ZNF18: variants seen among roughly 807,000 people sequenced by gnomAD.
ZNF18 encodes the protein heart development-specific gene 1 protein.
A neutral mutation model predicts 58.1 loss-of-function variants in ZNF18; 42 were observed. The observed-to-expected ratio is 0.72, with a 90% CI of 0.56 to 0.93. The LOEUF is 0.93. ZNF18 is among the 40% of genes least tolerant of loss of function. ZNF18 has a pLI of 0.00. For synonymous variants in ZNF18, 231 were observed against 239.8 expected (o/e 0.96, Z 0.34); for missense variants, 540 against 644.2 (o/e 0.84, Z 1.75).
chr17:11,997,323 GC>G (rs2151490948), intron 1 of ZNF18, 107 bp downstream of exon 1: 1 of 152,598 alleles, frequency 6.6e-6, no homozygotes, highest in African/African-American at 2.4e-5. Context: ...GAGCCCGCTG[GC>G]CCCTCCGTAG....
At chr17:12,000,198 G>C (rs970858613), upstream of ZNF18, among the ~76,000 whole-genome samples, 4 of 152,108 alleles carry the variant, frequency 2.6e-5, no homozygotes, top group African/African-American at 7.2e-5. Context: ...TGGAATTACA[G>C]GTGCGAGCCA....
In ZNF18 at chr17:11,977,488, A is replaced by AAGTT. The variant is rs1337310009; in HGVS notation, c.*465_*468dup. 6.5e-6 allele frequency: 1 copy of AAGTT among 154,666 alleles called. No homozygotes were observed. The highest frequency in any genetic ancestry group is 1.4e-5 in the Non-Finnish European group (1 of 69,822). The allele number at this position is 154,666 out of a possible 1,614,324, so 9.6% of individuals were successfully genotyped here. On this transcript the variant is annotated 3_prime_UTR_variant, in exon 7 of 7. Transcript: ENST00000580306. ...GTTTATTTCAAACAAGGGACACTTG[A>AAGTT]AGTTAGTTTTTCACCCCTATGACAA...
chr17:12,005,296 T>A, the ZNF18 span, among the ~76,000 whole-genome samples: 1 of 152,038 alleles, frequency 6.6e-6, no homozygotes, highest in Non-Finnish European at 1.5e-5. Flanking sequence ...TTAAATCAAA[T>A]GGAAACTGGT....
chr17:11,992,484 CA>C lies in ZNF18; in HGVS notation c.345del (p.Val116TrpfsTer4). 6.2e-7 allele frequency: 1 copy of C among 1,614,218 alleles called. No homozygotes were observed. The highest frequency in any genetic ancestry group is 8.5e-7 in the Non-Finnish European group (1 of 1,180,030). On this transcript the variant is annotated frameshift_variant, in exon 2 of 7. Transcript: ENST00000580306. LOFTEE classifies it high-confidence loss of function. ...CPGSGEEAVTLVESLKGDPQR... is the reference protein window; with the variant it reads ...CPGSGEEAVTXVESLKGDPQR... ...TGGGGGTCCCCCTTCAAGCTTTCCA[CA>C]AGGGTCACTGCCTCTTCTCCACTTC... is the stretch of plus-strand genomic sequence containing the variant.
chr17:11,977,685 A>C lies in ZNF18; in HGVS notation c.*272T>G, dbSNP rs78037792. 2.9e-6 allele frequency: 1 copy of C among 346,856 alleles called. No homozygotes were observed. The highest frequency in any genetic ancestry group is 4.8e-5 in the East Asian group (1 of 20,900). 21.5% of individuals were successfully genotyped at this position (346,856 alleles called of 1,614,324 possible). On this transcript the variant is annotated 3_prime_UTR_variant, in exon 7 of 7. Coordinates refer to ENST00000580306, the MANE Select transcript of ZNF18 (RefSeq NM_001303281.2). ...ACTTCTAAAACTGGATCTCCAATTT[A>C]GACTTTTTCCCCGATGGGTCCAAAG... is the stretch of plus-strand genomic sequence containing the variant.
In ZNF18 at chr17:11,985,922, A is replaced by G. The variant is rs529448440; in HGVS notation, c.667-1725T>C. On this transcript the variant is annotated intron_variant, in intron 4 of 6. Transcript: ENST00000580306. The stretch of plus-strand genomic sequence containing the variant: ...GAATAGAAATGAGGAAAGGAACTAC[A>G]AAGTCATCCTCCTACTGTACACAAT... Among the ~76,000 whole-genome samples, 7 of 152,356 alleles carry G rather than the reference A, an allele frequency of 4.6e-5. No homozygotes were observed. The South Asian group carries it at 1.0e-3, about 23-fold the overall frequency.
rs1412489187 is a variant in ZNF18 at position 11,992,782 on chromosome 17, C to T, written c.48G>A (p.Ala16=). Residue 16 remains alanine (A), a synonymous_variant, in exon 2 of 7, where the codon GCG becomes GCA. Coordinates refer to ENST00000580306, the MANE Select transcript of ZNF18 (RefSeq NM_001303281.2). ...GQALGLLPSL[A]KAEDSQFSES... Reference sequence around the variant, plus strand: ...CTGAGAACTGGGAGTCCTCGGCCTTCGCCAGCGATGGCAGCAGGCCTAGGG... The same window carrying T: ...CTGAGAACTGGGAGTCCTCGGCCTTTGCCAGCGATGGCAGCAGGCCTAGGG... 2.5e-6 allele frequency: 4 copies of T among 1,613,924 alleles called. No individual in the cohort carries two copies. The highest frequency in any genetic ancestry group is 3.3e-5 in the Admixed American group (2 of 60,014).
chr17:11,979,147 A>G (rs1299822105), intron 6 of ZNF18, among the ~76,000 whole-genome samples: 1 of 151,286 alleles, frequency 6.6e-6, no homozygotes, highest in Non-Finnish European at 1.5e-5. Flanking sequence ...AAAACTGAAG[A>G]GAGAGAAATA....
At chr17:11,982,471 G>A (rs1967422331) in intron 6 of ZNF18, among the ~76,000 whole-genome samples, 1 of 152,024 alleles carries the variant, frequency 6.6e-6, no homozygotes, top group Non-Finnish European at 1.5e-5. Flanking sequence ...TTGTGAAATG[G>A]CCTGATAAAT....
the ZNF18 span, among the ~76,000 whole-genome samples, chr17:12,012,223 A>C: frequency 6.6e-6 from 1 of 152,230 alleles, no homozygotes; most frequent in Non-Finnish European, 1.5e-5. Context: ...TCTTTAAAAC[A>C]AATAGTAGCA....
At chr17:12,012,252 C>T in the ZNF18 span, among the ~76,000 whole-genome samples, 1 of 152,174 alleles carries the variant, frequency 6.6e-6, no homozygotes, top group East Asian at 1.9e-4. Context: ...TGTTCTTCAT[C>T]TGGCTTTTTA....
intron 2 of ZNF18, among the ~76,000 whole-genome samples, chr17:11,991,773 C>T (rs1968143153): frequency 6.6e-6 from 1 of 152,116 alleles, no homozygotes. Context: ...AGGAACCAAC[C>T]TTGAGATTAA....
chr17:12,018,039 C>T, the ZNF18 span, among the ~76,000 whole-genome samples: 1 of 152,214 alleles, frequency 6.6e-6, no homozygotes, highest in South Asian at 2.1e-4. Context: ...TATTGCCATA[C>T]ATTCCTCTTA....
chr17:11,999,961 C>T (rs1968627944), upstream of ZNF18, among the ~76,000 whole-genome samples: 1 of 152,190 alleles, frequency 6.6e-6, no homozygotes, highest in South Asian at 2.1e-4. Context: ...CAGAATCTTG[C>T]TCTGTTGCCC....
In ZNF18 at chr17:11,978,676, C is replaced by T. The variant is rs1967144451; in HGVS notation, c.931G>A (p.Ala311Thr). ...ACCTCTCCTGAAGCTTGACAGGAAG[C>T]ATGCAGGAGCTCCTGGTCCCTGTGA... is the stretch of plus-strand genomic sequence containing the variant. ...ENHRDQELLH[A>T]SCQASGEVPS... The change falls in exon 7 of 7, where the codon GCT becomes ACT. Residue 311 changes from alanine (A) to threonine (T), a missense_variant. Ala to Thr is a moderately conservative substitution (Grantham distance 58). Coordinates refer to ENST00000580306, the MANE Select transcript of ZNF18 (RefSeq NM_001303281.2). 5 of 1,612,350 alleles carry T rather than the reference C, an allele frequency of 3.1e-6. No homozygotes were observed. Among genetic ancestry groups the T allele is most frequent in the Non-Finnish European group, 3.4e-6 (4 of 1,179,900 alleles).
rs1967088152 is a variant in ZNF18 at position 11,977,899 on chromosome 17, G to A, written c.*58C>T. On this transcript the variant is annotated 3_prime_UTR_variant, in exon 7 of 7. Coordinates refer to ENST00000580306, the MANE Select transcript of ZNF18 (RefSeq NM_001303281.2). ...AGACACAATTCCTCTTGATGGAGCTGAGTATTTTTGTGACTGGGCTGGGAG... is the reference window on the plus strand; with the variant it reads ...AGACACAATTCCTCTTGATGGAGCTAAGTATTTTTGTGACTGGGCTGGGAG... The A allele has an allele frequency of 2.6e-6, 4 of 1,511,516 alleles. No homozygotes were observed. The highest frequency in any genetic ancestry group is 3.5e-6 in the Non-Finnish European group (4 of 1,128,700). 93.6% of individuals were successfully genotyped at this position (1,511,516 alleles called of 1,614,324 possible).
At chr17:11,983,997 G>T in intron 5 of ZNF18, 116 bp downstream of exon 5, 1 of 878,300 alleles carries the variant, frequency 1.1e-6, no homozygotes, top group Non-Finnish European at 1.7e-6. Context: ...TGTCCCTAAC[G>T]ATTTCTTTCA....
At chr17:12,001,400 C>A (rs555227908), upstream of ZNF18, among the ~76,000 whole-genome samples, 4 of 152,042 alleles carry the variant, frequency 2.6e-5, no homozygotes, top group Non-Finnish European at 4.4e-5. Context: ...GAGGCTGAGG[C>A]GGGCGGATCA....
chr17:12,008,065 C>A, the ZNF18 span, among the ~76,000 whole-genome samples: 1 of 152,102 alleles, frequency 6.6e-6, no homozygotes, highest in African/African-American at 2.4e-5. Context: ...TCGGGTTGCC[C>A]GTGGAGATAC....
Sources: allele counts gnomAD v4.1 joint callset (sites outside exome capture counted in the v4.1 genomes callset), GRCh38; gene constraint gnomAD v4.1.1; transcripts MANE v1.5; gene names NCBI Gene and HGNC (gene_info 2026-07-23, HGNC 2026-07-21).